The following TBC1D1 variants were observed in gnomAD, a reference collection of about 807,000 sequenced individuals.
TBC1D1 encodes the protein TBC1 (tre-2/USP6, BUB2, cdc16) domain family, member 1.
In TBC1D1, 89 loss-of-function variants were observed where a neutral mutation model predicts 125.6. The ratio of observed to expected loss-of-function variants is 0.71; its 90% CI spans 0.60 to 0.85. The LOEUF (loss-of-function observed/expected upper bound fraction) is 0.85. Ranked by LOEUF, TBC1D1 falls within the 40% of genes least tolerant of loss-of-function variation. The pLI, the probability that TBC1D1 is intolerant of heterozygous loss-of-function variation, is 0.00. For missense variants in TBC1D1, 1,377 were observed against 1,469.2 expected (o/e 0.94, Z 1.03); for synonymous variants, 565 against 564.1 (o/e 1.00, Z -0.02).
At chr4:37,991,153 A>AC (rs771715575) in intron 2 of TBC1D1, among the ~76,000 whole-genome samples, 261 of 152,336 alleles carry the variant, frequency 1.7e-3, no homozygotes, top group Middle Eastern at 0.017. Context: ...GCCCCTTGGT[A>AC]TACAGAGGTA....
chr4:37,897,038 A>C (rs1364357017), intron 1 of TBC1D1, among the ~76,000 whole-genome samples: 1 of 152,182 alleles, frequency 6.6e-6, no homozygotes, highest in Admixed American at 6.5e-5. Flanking sequence ...CAAGAACGTT[A>C]CTAGAAGCTT....
intron 1 of TBC1D1, among the ~76,000 whole-genome samples, chr4:37,896,366 A>T (rs1714627333): frequency 6.6e-6 from 1 of 152,186 alleles, no homozygotes; most frequent in South Asian, 2.1e-4. Flanking sequence ...CCCAATAAGC[A>T]GCTTACTAAT....
At position 38,006,693 on chromosome 4, in the gene TBC1D1, A is replaced by C. The variant is rs186324445; in HGVS notation, c.418-7816A>C. ...ATGGGGTTTCACCATGTTAGCCAGG[A>C]TGGGCTCAATCTCCTGACCTTGTGA... On this transcript the variant is annotated intron_variant, in intron 2 of 19. Transcript: ENST00000261439. 157 of 297,468 alleles carry C rather than the reference A, an allele frequency of 5.3e-4. 2 individuals are homozygous for C. Among genetic ancestry groups the C allele is most frequent in the South Asian group, 2.0e-3 (59 of 29,914 alleles). 18.4% of individuals were successfully genotyped at this position (297,468 alleles called of 1,614,324 possible). A position where few individuals can be genotyped will look rare whatever the true frequency, so the allele number is the denominator to read the frequency against.
At chr4:37,998,329 G>C (rs1738268692) in intron 2 of TBC1D1, among the ~76,000 whole-genome samples, 1 of 152,170 alleles carries the variant, frequency 6.6e-6, no homozygotes, top group Non-Finnish European at 1.5e-5. Context: ...CCTTCTGCCT[G>C]TCATCCTTCC....
chr4:38,018,108 G>A (rs1309393683), intron 3 of TBC1D1, among the ~76,000 whole-genome samples: 1 of 151,628 alleles, frequency 6.6e-6, no homozygotes, highest in African/African-American at 2.4e-5. Flanking sequence ...TGGATCTTGA[G>A]GCCTATTGCT....
chr4:38,072,317 C>T (rs1754838713), intron 12 of TBC1D1, among the ~76,000 whole-genome samples: 1 of 152,226 alleles, frequency 6.6e-6, no homozygotes, highest in South Asian at 2.1e-4. Flanking sequence ...GCTTCGTTTA[C>T]ATCATGACTT....
intron 2 of TBC1D1, among the ~76,000 whole-genome samples, chr4:38,012,722 A>G (rs1037075339): frequency 5.3e-5 from 8 of 152,180 alleles, no homozygotes; most frequent in African/African-American, 1.9e-4. Context: ...ATGTATGATT[A>G]TTTGGCAGTA....
At chr4:38,103,642 T>C (rs1760749237) in intron 15 of TBC1D1, among the ~76,000 whole-genome samples, 2 of 152,174 alleles carry the variant, frequency 1.3e-5, no homozygotes, top group South Asian at 4.1e-4. Flanking sequence ...GCACCTTGTC[T>C]CTTGAATAGT....
In TBC1D1 at chr4:38,098,775, C is replaced by T. The variant is rs1238294820; in HGVS notation, c.2398+2685C>T. On this transcript the variant is annotated intron_variant, in intron 14 of 19. Transcript: ENST00000261439. ...ATATCTTTGACCTTTGAAGTAGAGG[C>T]CAACTCACCTCAGAGACCTTGTAAG... Among the ~76,000 whole-genome samples, 3 of 152,106 alleles carry T rather than the reference C, an allele frequency of 2.0e-5. No homozygotes were observed. In the South Asian group the frequency reaches 6.2e-4, roughly 32 times the overall value.
chr4:38,101,822 C>G (rs1277396309), intron 14 of TBC1D1, among the ~76,000 whole-genome samples: 1 of 152,164 alleles, frequency 6.6e-6, no homozygotes, highest in Non-Finnish European at 1.5e-5. Flanking sequence ...GCCTTCTTGC[C>G]AGCTGCTCTC....
At chr4:37,980,343 G>A (rs1023760118) in intron 2 of TBC1D1, among the ~76,000 whole-genome samples, 2 of 152,170 alleles carry the variant, frequency 1.3e-5, no homozygotes, top group Admixed American at 1.3e-4. Flanking sequence ...GTCTTTCAGT[G>A]GGGACACTTG....
intron 2 of TBC1D1, among the ~76,000 whole-genome samples, chr4:37,986,180 G>A (rs1735414271): frequency 6.6e-6 from 1 of 152,178 alleles, no homozygotes; most frequent in African/African-American, 2.4e-5. Flanking sequence ...TAATTACGGT[G>A]TAACCAGAAT....
chr4:38,022,221 AC>A (rs35980246), intron 6 of TBC1D1, among the ~76,000 whole-genome samples: 5,082 of 152,304 alleles, frequency 0.033, 111 homozygotes, highest in Non-Finnish European at 0.053. Flanking sequence ...ATTAGTATTG[AC>A]CAGTATTTCT....
chr4:37,992,739 C>A (rs1158434117), intron 2 of TBC1D1, among the ~76,000 whole-genome samples: 3 of 151,138 alleles, frequency 2.0e-5, no homozygotes, highest in Non-Finnish European at 4.4e-5. Context: ...GTGATCTGCC[C>A]GCCTCGGCCT....
Position 38,098,371 on chromosome 4 carries a change from G to A in TBC1D1, c.2398+2281G>A, listed in dbSNP as rs1436320606. ...TCTTTGCTTCTGCGAAAGGCAAATT[G>A]CATGGGTCTGTGACAGCTATTCCAA... is the stretch of plus-strand genomic sequence containing the variant. On this transcript the variant is annotated intron_variant, in intron 14 of 19. Coordinates refer to ENST00000261439, the MANE Select transcript of TBC1D1 (RefSeq NM_015173.4). Among the ~76,000 whole-genome samples the A allele has an allele frequency of 3.3e-5, 5 of 152,368 alleles. No individual in the cohort carries two copies. In the East Asian group the frequency reaches 5.8e-4, roughly 18 times the overall value.
chr4:38,073,071 G>A (rs187262259), intron 12 of TBC1D1, among the ~76,000 whole-genome samples: 3 of 152,232 alleles, frequency 2.0e-5, no homozygotes, highest in African/African-American at 7.2e-5. Context: ...TGTGAAGACT[G>A]CAGCTATGAA....
At chr4:38,100,645 A>T (rs1458530448) in intron 14 of TBC1D1, among the ~76,000 whole-genome samples, 1 of 152,186 alleles carries the variant, frequency 6.6e-6, no homozygotes, top group East Asian at 1.9e-4. Flanking sequence ...TGCTGAGATA[A>T]AATTACAGAA....
rs547896373 is a variant in TBC1D1, at chr4:37,902,413, C to T, written c.318C>T (p.His106=). ...CTCAGCGTGTTCACAAACTGATTCA[C>T]AACAGTCATGACCCAAGTTACTTTG... Residue 106 remains histidine, a synonymous_variant, in exon 2 of 20, where the codon CAC becomes CAT. Coordinates refer to ENST00000261439, the MANE Select transcript of TBC1D1 (RefSeq NM_015173.4). The T allele has an allele frequency of 6.2e-7, 1 of 1,614,188 alleles. No individual in the cohort carries two copies. Among genetic ancestry groups the T allele is most frequent in the Non-Finnish European group, 8.5e-7 (1 of 1,180,036 alleles).
intron 2 of TBC1D1, among the ~76,000 whole-genome samples, chr4:37,915,111 C>T (rs1043212858): frequency 1.3e-5 from 2 of 152,236 alleles, no homozygotes; most frequent in Admixed American, 6.5e-5. Flanking sequence ...GTCCCTGGCA[C>T]CTGGAACAGT....
Sources: gnomAD v4.1 joint callset for allele counts (sites outside exome capture counted in the v4.1 genomes callset) on GRCh38, gnomAD v4.1.1 for gene constraint, MANE v1.5 for transcripts, NCBI Gene and HGNC (gene_info 2026-07-23, HGNC 2026-07-21) for gene names.